Variants in ANKIB1 observed in about 807,000 individuals in gnomAD.
ANKIB1 encodes ankyrin repeat and IBR domain-containing protein 1.
ANKIB1 carries 43 observed loss-of-function variants against 122.1 expected under a neutral mutation model. That is an observed-to-expected ratio of 0.35 (90% CI 0.28 to 0.45). The LOEUF is 0.45. Ranked by LOEUF, ANKIB1 falls within the 20% of genes least tolerant of loss-of-function variation. The pLI is 1.00. For missense variants in ANKIB1, 992 were observed against 1,329.5 expected (o/e 0.75, Z 3.95); for synonymous variants, 390 against 442.0 (o/e 0.88, Z 1.48).
chr7:92,398,592 C>A lies in ANKIB1; in HGVS notation c.2913C>A (p.Gly971=), dbSNP rs76922447. ...CCAACATCAATGACAATCTTCTCGG[C>A]AACATCATGGCTTGGTTTCATGACA... ...QDPNINDNLL[G]NIMAWFHDMN... The change falls in exon 20 of 20, where the codon GGC becomes GGA. Residue 971 remains glycine, a synonymous_variant. Transcript: ENST00000265742. The A allele has an allele frequency of 6.2e-3, 10,073 of 1,613,940 alleles. 382 individuals carry two copies. In the East Asian group the frequency reaches 0.08, roughly 13 times the overall value.
chr7:92,260,389 C>T (rs1562762958), intron 1 of ANKIB1, among the ~76,000 whole-genome samples: 1 of 152,136 alleles, frequency 6.6e-6, no homozygotes. Context: ...GTTGATGAAA[C>T]GTCACTTTGG....
intron 7 of ANKIB1, chr7:92,347,847 C>G (rs1014005942): frequency 1.9e-5 from 5 of 257,374 alleles, no homozygotes; most frequent in Admixed American, 5.5e-5. Flanking sequence ...CTAGGATTAT[C>G]ATCAGTTTTT....
intron 1 of ANKIB1, among the ~76,000 whole-genome samples, chr7:92,267,967 T>G (rs1408058367): frequency 6.6e-6 from 1 of 152,166 alleles, no homozygotes; most frequent in African/African-American, 2.4e-5. Flanking sequence ...ACATACGCCT[T>G]TGCTTCTAAA....
At chr7:92,278,008 T>C (rs1420660535) in intron 1 of ANKIB1, among the ~76,000 whole-genome samples, 2 of 150,506 alleles carry the variant, frequency 1.3e-5, no homozygotes, top group Non-Finnish European at 3.0e-5. Context: ...CGCTTGAACC[T>C]GGGAGGCGGA....
In ANKIB1 at chr7:92,396,387, G is replaced by A. The variant is rs573373135; in HGVS notation, c.2306G>A (p.Arg769Gln). ...CAGGAATATGCTGAATTTCAGTATC[G>A]GAGGAGGCACAGACAACGTCGTCGA... ...SPEEYAEFQYRRRHRQRRRGD... is the reference protein window; with the variant it reads ...SPEEYAEFQYQRRHRQRRRGD... The change falls in exon 18 of 20, where the codon CGG becomes CAG. Residue 769 changes from arginine (R) to glutamine (Q), a missense_variant. Physicochemically the swap from Arg to Gln is conservative, Grantham distance 43. Coordinates refer to ENST00000265742, the MANE Select transcript of ANKIB1 (RefSeq NM_019004.2). The A allele has an allele frequency of 2.1e-5, 34 of 1,589,420 alleles. No homozygotes were observed. Among genetic ancestry groups the A allele is most frequent in the South Asian group, 1.8e-4 (16 of 87,094 alleles).
At chr7:92,332,363 A>T (rs1260936125) in intron 5 of ANKIB1, among the ~76,000 whole-genome samples, 1 of 152,204 alleles carries the variant, frequency 6.6e-6, no homozygotes, top group Non-Finnish European at 1.5e-5. Flanking sequence ...TATCCTTGAA[A>T]ACATTCATTC....
At chr7:92,280,267 G>C (rs78131902) in intron 1 of ANKIB1, among the ~76,000 whole-genome samples, 1 of 152,154 alleles carries the variant, frequency 6.6e-6, no homozygotes, top group Non-Finnish European at 1.5e-5. Flanking sequence ...AAATGATTCT[G>C]TGAAAATTTC....
intron 5 of ANKIB1, among the ~76,000 whole-genome samples, chr7:92,332,798 AT>A (rs1803197072): frequency 6.6e-6 from 1 of 152,020 alleles, no homozygotes; most frequent in Admixed American, 6.6e-5. Context: ...GAAATAATAC[AT>A]TTCTCCCCCC....
At chr7:92,248,569 A>T (rs1801249208) in intron 1 of ANKIB1, among the ~76,000 whole-genome samples, 1 of 152,206 alleles carries the variant, frequency 6.6e-6, no homozygotes, top group Non-Finnish European at 1.5e-5. Flanking sequence ...GAAGTTGGAA[A>T]AGATTCCTCA....
At chr7:92,270,629 T>C (rs1801765509) in intron 1 of ANKIB1, among the ~76,000 whole-genome samples, 1 of 152,120 alleles carries the variant, frequency 6.6e-6, no homozygotes. Context: ...CAGACAGTTC[T>C]GTCACCCCAA....
chr7:92,328,488 C>T (rs1022537917), intron 5 of ANKIB1, among the ~76,000 whole-genome samples: 9 of 152,168 alleles, frequency 5.9e-5, no homozygotes, highest in East Asian at 1.9e-4. Context: ...CCTAAGTGCT[C>T]AGTTTAAGTT....
chr7:92,351,073 A>T lies in ANKIB1; in HGVS notation c.1209A>T (p.Arg403=). 1 of 1,576,246 alleles carries T rather than the reference A, an allele frequency of 6.3e-7. No individual in the cohort carries two copies. Among genetic ancestry groups the T allele is most frequent in the Non-Finnish European group, 8.6e-7 (1 of 1,160,826 alleles). The part of the protein sequence containing the change: ...ESVVSKEMDK[R]YLQFDIKAFV... ...TAGTTTCAAAGGAGATGGACAAACG[A>T]TACCTACAGTTTGATATTAAGGTAA... Residue 403 remains arginine, a synonymous_variant, in exon 8 of 20, where the codon CGA becomes CGT. Transcript: ENST00000265742.
chr7:92,279,263 A>C (rs1330859963), intron 1 of ANKIB1, among the ~76,000 whole-genome samples: 1 of 152,172 alleles, frequency 6.6e-6, no homozygotes, highest in African/African-American at 2.4e-5. Flanking sequence ...CCAGGCTACA[A>C]CCTGGGGTTT....
intron 9 of ANKIB1, among the ~76,000 whole-genome samples, chr7:92,360,823 T>C (rs950600717): frequency 1.3e-5 from 2 of 152,008 alleles, no homozygotes; most frequent in African/African-American, 2.4e-5. Flanking sequence ...TTTTTAAGAC[T>C]AAATGAGTCA....
chr7:92,262,289 T>C (rs955570821), intron 1 of ANKIB1, among the ~76,000 whole-genome samples: 4 of 152,180 alleles, frequency 2.6e-5, no homozygotes, highest in African/African-American at 7.2e-5. Context: ...CTTTTTCTCA[T>C]ATCCAAGCCA....
In ANKIB1 at chr7:92,365,788, C is replaced by CTTT. The variant is rs59131137; in HGVS notation, c.1486+3541_1486+3543dup. ...AGAGTTATAAGATATATTAAATAAT[C>CTTT]TTTTTTTTTTTTTTTTTTTTTTTTT... On this transcript the variant is annotated intron_variant, in intron 10 of 19. Transcript: ENST00000265742. 4.0e-3 allele frequency among the ~76,000 whole-genome samples: 235 copies of CTTT among 58,328 alleles called. 46 individuals carry two copies. The highest frequency in any genetic ancestry group is 5.3e-3 in the Admixed American group (19 of 3,554). The allele number at this position is 58,328 out of a possible 152,430, so 38.3% of individuals were successfully genotyped here.
At chr7:92,257,528 C>T (rs1483506485) in intron 1 of ANKIB1, among the ~76,000 whole-genome samples, 6 of 152,226 alleles carry the variant, frequency 3.9e-5, no homozygotes, top group Non-Finnish European at 7.3e-5. Flanking sequence ...CGCGGTGGCT[C>T]ACGCCTGTAA....
Position 92,294,939 on chromosome 7 carries a change from A to C in ANKIB1, c.-40A>C. The stretch of plus-strand genomic sequence containing the variant: ...TCCAGAAGTGGCTGAAGATAGAAGG[A>C]AAAAAGTGCCACTGCCTATCAGAAA... On this transcript the variant is annotated 5_prime_UTR_variant, in exon 2 of 20. Coordinates refer to ENST00000265742, the MANE Select transcript of ANKIB1 (RefSeq NM_019004.2). 1 of 1,503,942 alleles carries C rather than the reference A, an allele frequency of 6.6e-7. No individual in the cohort carries two copies. Among genetic ancestry groups the C allele is most frequent in the Non-Finnish European group, 9.0e-7 (1 of 1,116,092 alleles). 93.2% of individuals were successfully genotyped at this position (1,503,942 alleles called of 1,614,324 possible). A position where few individuals can be genotyped will look rare whatever the true frequency, so the allele number is the denominator to read the frequency against.
At chr7:92,367,714 A>C (rs527404490) in intron 10 of ANKIB1, among the ~76,000 whole-genome samples, 20 of 152,352 alleles carry the variant, frequency 1.3e-4, no homozygotes, top group African/African-American at 4.8e-4. Flanking sequence ...TTCGTTAAGC[A>C]CTGAAATAGC....
Sources: allele counts gnomAD v4.1 joint callset (sites outside exome capture counted in the v4.1 genomes callset), GRCh38; gene constraint gnomAD v4.1.1; transcripts MANE v1.5; gene names NCBI Gene and HGNC (gene_info 2026-07-23, HGNC 2026-07-21).